The following SUDS3 variants were observed in gnomAD, a reference collection of about 807,000 sequenced individuals.
SUDS3 encodes the protein SIN3A corepressor complex component SDS3.
SUDS3 carries 23 observed loss-of-function variants against 53.5 expected under a neutral mutation model. The observed-to-expected ratio is 0.43, with a 90% CI of 0.31 to 0.61. The LOEUF (loss-of-function observed/expected upper bound fraction) is 0.61. Among genes scored for constraint, SUDS3 ranks in the 20% least tolerant of loss-of-function variants. The pLI is 0.10. For missense variants in SUDS3, 291 were observed against 405.9 expected (o/e 0.72, Z 2.43); for synonymous variants, 150 against 148.5 (o/e 1.01, Z -0.08).
At chr12:118,405,990 C>A (rs930450823) in intron 10 of SUDS3, among the ~76,000 whole-genome samples, 2 of 152,150 alleles carry the variant, frequency 1.3e-5, no homozygotes, top group Non-Finnish European at 2.9e-5. Flanking sequence ...ATTCAGGCAT[C>A]GCATCTTGGT....
At chr12:118,408,612 G>A (rs560599942) in intron 10 of SUDS3, among the ~76,000 whole-genome samples, 4 of 152,172 alleles carry the variant, frequency 2.6e-5, no homozygotes, top group Non-Finnish European at 4.4e-5. Context: ...GGGATTACAG[G>A]CGTGAGCCAC....
chr12:118,395,346 C>T (rs1223248169), intron 6 of SUDS3, among the ~76,000 whole-genome samples: 1 of 151,156 alleles, frequency 6.6e-6, no homozygotes, highest in African/African-American at 2.4e-5. Flanking sequence ...CTGCCTCAAC[C>T]TCCTGAGTAG....
chr12:118,390,169 C>T (rs1196114044), intron 5 of SUDS3, among the ~76,000 whole-genome samples: 1 of 152,216 alleles, frequency 6.6e-6, no homozygotes, highest in African/African-American at 2.4e-5. Flanking sequence ...ATACTCATCC[C>T]TAACTGCTTA....
In SUDS3 at chr12:118,415,882, TATACAG is replaced by T. The variant is rs2046396301; in HGVS notation, c.*1453_*1458del. The T allele has an allele frequency of 6.6e-6, 1 of 152,094 alleles. No homozygotes were observed. The highest frequency in any genetic ancestry group is 6.5e-5 in the Admixed American group (1 of 15,272). The allele number at this position is 152,094 out of a possible 1,614,324, so 9.4% of individuals were successfully genotyped here. On this transcript the variant is annotated 3_prime_UTR_variant, in exon 12 of 12. Coordinates refer to ENST00000543473, the MANE Select transcript of SUDS3 (RefSeq NM_022491.3). ...GTACAGACTTGTACAAGTAAAGACT[TATACAG>T]ATAGATTTTTGTTTTAACTTACAAT...
intron 11 of SUDS3, among the ~76,000 whole-genome samples, chr12:118,413,750 G>T (rs1593788905): frequency 6.6e-6 from 1 of 152,174 alleles, no homozygotes; most frequent in South Asian, 2.1e-4. Context: ...TCTGTGAGAG[G>T]GGGATATGGT....
At chr12:118,406,377 A>G (rs770565798) in intron 10 of SUDS3, among the ~76,000 whole-genome samples, 10 of 152,218 alleles carry the variant, frequency 6.6e-5, no homozygotes, top group African/African-American at 9.6e-5. Context: ...ACGTGGACTC[A>G]CTTATTGGGG....
chr12:118,383,484 T>C (rs576137985), intron 2 of SUDS3, among the ~76,000 whole-genome samples: 52 of 152,370 alleles, frequency 3.4e-4, no homozygotes, highest in African/African-American at 1.2e-3. Context: ...CTTTTAACTT[T>C]TCTTTCTGAA....
Position 118,401,760 on chromosome 12 carries a change from C to G in SUDS3, c.615C>G (p.Ala205=), listed in dbSNP as rs755677306. 1.9e-6 allele frequency: 3 copies of G among 1,613,246 alleles called. No homozygotes were observed. Among genetic ancestry groups the G allele is most frequent in the African/African-American group, 2.7e-5 (2 of 74,866 alleles). ...ATACAGTCCTTTAACTCTCAACACC[C>G]CAGCTAAACTATTTGTTAACAGATG... ...IPDKRRKPAP[A]QLNYLLTDEQ... Residue 205 remains alanine (A), a splice_region_variant and synonymous_variant, in exon 8 of 12, where the codon GCC becomes GCG. Coordinates refer to ENST00000543473, the MANE Select transcript of SUDS3 (RefSeq NM_022491.3).
At chr12:118,406,942 G>A (rs541818796) in intron 10 of SUDS3, among the ~76,000 whole-genome samples, 10 of 151,048 alleles carry the variant, frequency 6.6e-5, no homozygotes, top group Non-Finnish European at 1.0e-4. Context: ...TGTCCCCCAG[G>A]CTGGCATGCA....
intron 3 of SUDS3, 118 bp downstream of exon 3, chr12:118,384,185 A>G: frequency 9.9e-7 from 1 of 1,007,328 alleles, no homozygotes; most frequent in Non-Finnish European, 1.5e-6. Flanking sequence ...GGCTGATCTT[A>G]GCTATCCAGT....
chr12:118,392,819 G>A (rs936943610), intron 6 of SUDS3, among the ~76,000 whole-genome samples: 3 of 152,172 alleles, frequency 2.0e-5, no homozygotes, highest in Admixed American at 6.5e-5. Context: ...TGGGGAACGG[G>A]TATCATCACC....
At position 118,414,558 on chromosome 12, in the gene SUDS3, G is replaced by T. The variant is rs2046384296; in HGVS notation, c.*125G>T. The T allele has an allele frequency of 6.6e-6, 5 of 754,788 alleles. No homozygotes were observed. In the South Asian group the frequency reaches 8.1e-5, roughly 12 times the overall value. The allele number at this position is 754,788 out of a possible 1,614,324, so 46.8% of individuals were successfully genotyped here. Reference sequence around the variant, plus strand: ...ATAGCTACTCAGCCTTGGAAATGGAGAGCACTGCAGTGAATTCTTTAGGGC... The same window carrying T: ...ATAGCTACTCAGCCTTGGAAATGGATAGCACTGCAGTGAATTCTTTAGGGC... On this transcript the variant is annotated 3_prime_UTR_variant, in exon 12 of 12. Transcript: ENST00000543473.
intron 10 of SUDS3, among the ~76,000 whole-genome samples, chr12:118,410,580 T>TTTAA (rs1491473858): frequency 3.0e-5 from 4 of 133,554 alleles, no homozygotes; most frequent in African/African-American, 1.2e-4. Flanking sequence ...TATTTATTTA[T>TTTAA]TTTATTTATT....
rs1227523758 is a variant in SUDS3 at position 118,415,942 on chromosome 12, T to C, written c.*1509T>C. On this transcript the variant is annotated 3_prime_UTR_variant, in exon 12 of 12. Transcript: ENST00000543473. Reference sequence around the variant, plus strand: ...TTTTTTCCTCTTTTTTTTTTTTTTTTCTGGTGTTGGAGTCTTATTTAGAAA... The same window carrying C: ...TTTTTTCCTCTTTTTTTTTTTTTTTCCTGGTGTTGGAGTCTTATTTAGAAA... 171 of 149,012 alleles carry C rather than the reference T, an allele frequency of 1.1e-3. 1 individual carries two copies. Among genetic ancestry groups the C allele is most frequent in the African/African-American group, 3.7e-3 (151 of 40,392 alleles). The allele number at this position is 149,012 out of a possible 1,614,324, so 9.2% of individuals were successfully genotyped here. A position where few individuals can be genotyped will look rare whatever the true frequency, so the allele number is the denominator to read the frequency against.
chr12:118,390,949 C>T (rs763623770), intron 5 of SUDS3, 177 bp from the exon 6 acceptor site: 4 of 752,684 alleles, frequency 5.3e-6, no homozygotes, highest in Non-Finnish European at 9.4e-6. Context: ...GCAAAAGTCA[C>T]GTGGGTCTGA....
In SUDS3 at chr12:118,380,149, T is replaced by C. The variant is rs1403418605; in HGVS notation, c.143-13T>C. The C allele has an allele frequency of 6.2e-7, 1 of 1,600,626 alleles. No individual in the cohort carries two copies. The highest frequency in any genetic ancestry group is 1.3e-5 in the African/African-American group (1 of 74,828). On this transcript the variant is annotated splice_polypyrimidine_tract_variant and intron_variant, in intron 1 of 11. Transcript: ENST00000543473. ...ATGATTTTAACTAGCCCCTATTTCC[T>C]AACTTTATTCAGACACTGAGGATGC...
chr12:118,380,514 C>A lies in SUDS3; in HGVS notation c.212+283C>A, dbSNP rs139265823. ...ATAAGGGATACTTAATCTGTAGTAA[C>A]CTTGTGTGTATGAGTTTGACCATAG... is the stretch of plus-strand genomic sequence containing the variant. On this transcript the variant is annotated intron_variant, in intron 2 of 11. Transcript: ENST00000543473. Among the ~76,000 whole-genome samples, 180 of 152,252 alleles carry A rather than the reference C, an allele frequency of 1.2e-3. 1 individual carries two copies. The highest frequency in any genetic ancestry group is 3.9e-3 in the African/African-American group (164 of 41,546).
chr12:118,393,704 T>C (rs1360458899), intron 6 of SUDS3, among the ~76,000 whole-genome samples: 2 of 151,662 alleles, frequency 1.3e-5, no homozygotes, highest in Non-Finnish European at 2.9e-5. Context: ...CAAGTCTTGC[T>C]CTGTCGCCCA....
intron 9 of SUDS3, chr12:118,402,733 G>C (rs1446635769): frequency 6.6e-6 from 1 of 151,972 alleles, no homozygotes; most frequent in Non-Finnish European, 1.5e-5. Context: ...AGTTGTGTGA[G>C]TGTAAAGTTA....
Sources: gnomAD v4.1 joint callset for allele counts (sites outside exome capture counted in the v4.1 genomes callset) on GRCh38, gnomAD v4.1.1 for gene constraint, MANE v1.5 for transcripts, NCBI Gene and HGNC (gene_info 2026-07-23, HGNC 2026-07-21) for gene names.